Variants in CASD1 observed in about 807,000 individuals in gnomAD.
CASD1 encodes CAS1 domain sialic acid O acetyltransferase 1.
In CASD1, 41 loss-of-function variants were observed where a neutral mutation model predicts 100.0. The observed-to-expected ratio is 0.41, with a 90% CI of 0.32 to 0.53. The LOEUF (loss-of-function observed/expected upper bound fraction) is 0.53. Among genes scored for constraint, CASD1 ranks in the 20% least tolerant of loss-of-function variants. The pLI is 0.25. For synonymous variants in CASD1, 321 were observed against 315.6 expected, an observed-to-expected ratio of 1.02 and a Z score of -0.18; for missense variants, 774 against 948.7, an observed-to-expected ratio of 0.82 and a Z score of 2.42.
At chr7:94,615,345 C>G in the CASD1 span, among the ~76,000 whole-genome samples, 1 of 150,366 alleles carries the variant, frequency 6.7e-6, no homozygotes, top group Non-Finnish European at 1.5e-5. Context: ...GGTGACAGAG[C>G]AAGACTCTGT....
rs536624355 is a variant in CASD1, at chr7:94,511,568, T to C, written c.133+1351T>C. On this transcript the variant is annotated intron_variant, in intron 1 of 17. Coordinates refer to ENST00000297273, the MANE Select transcript of CASD1 (RefSeq NM_022900.5). ...CAAGGCCTTGGTTTATCTACAATCA[T>C]GTAAAACTAGCAATGTTGATGCATT... 2.6e-5 allele frequency among the ~76,000 whole-genome samples: 4 copies of C among 152,336 alleles called. No homozygotes were observed. The South Asian group carries it at 8.3e-4, about 32-fold the overall frequency.
At chr7:94,552,654 C>T (rs1796005695) in intron 16 of CASD1, among the ~76,000 whole-genome samples, 1 of 151,938 alleles carries the variant, frequency 6.6e-6, no homozygotes. Flanking sequence ...CTTAATCTGC[C>T]CTTAGAAAAT....
chr7:94,571,887 G>A, the CASD1 span, among the ~76,000 whole-genome samples: 2 of 151,060 alleles, frequency 1.3e-5, no homozygotes, highest in African/African-American at 4.9e-5. Context: ...AAAAAAAATG[G>A]TCAGAAGATG....
intron 8 of CASD1, among the ~76,000 whole-genome samples, chr7:94,535,898 T>C (rs999985086): frequency 6.6e-6 from 1 of 152,196 alleles, no homozygotes; most frequent in Non-Finnish European, 1.5e-5. Context: ...AAGATTAAGC[T>C]TCAATGAAGA....
At chr7:94,631,145 T>C in the CASD1 span, among the ~76,000 whole-genome samples, 1 of 143,898 alleles carries the variant, frequency 6.9e-6, no homozygotes, top group Non-Finnish European at 1.5e-5. Context: ...TCCTGATTTG[T>C]TTTGTACTAG....
chr7:94,550,341 C>G (rs1314856879), intron 14 of CASD1, among the ~76,000 whole-genome samples: 1 of 152,014 alleles, frequency 6.6e-6, no homozygotes, highest in African/African-American at 2.4e-5. Flanking sequence ...TTTCCAACCC[C>G]TATGCATTTT....
chr7:94,509,955 AGGCGCAGGTGGCGGCCTGGGGAGCT>A lies in CASD1; in HGVS notation c.-125_-101del. 4 of 1,201,170 alleles carry A rather than the reference AGGCGCAGGTGGCGGCCTGGGGAGCT, an allele frequency of 3.3e-6. No individual in the cohort carries two copies. Among genetic ancestry groups the A allele is most frequent in the Non-Finnish European group, 4.2e-6 (4 of 960,988 alleles). The allele number at this position is 1,201,170 out of a possible 1,614,324, so 74.4% of individuals were successfully genotyped here. A position where few individuals can be genotyped will look rare whatever the true frequency, so the allele number is the denominator to read the frequency against. On this transcript the variant is annotated 5_prime_UTR_variant, in exon 1 of 18. Coordinates refer to ENST00000297273, the MANE Select transcript of CASD1 (RefSeq NM_022900.5). ...CCGCGGGGTCAGGTTCCCCGGCGGG[AGGCGCAGGTGGCGGCCTGGGGAGCT>A]GGCGGCCGCTCCTCGCCTGGCTGCA...
chr7:94,589,927 T>G, the CASD1 span: 1 of 152,494 alleles, frequency 6.6e-6, no homozygotes, highest in African/African-American at 2.4e-5. Flanking sequence ...ACTCCTGGTC[T>G]GACATGAAAC....
chr7:94,555,804 G>C lies in CASD1; in HGVS notation c.*46G>C. ...CCTAAACTCTTCAGGCTACCTTTGT[G>C]TGTCTCTAGAAGAGAAAAGCATCTA... On this transcript the variant is annotated 3_prime_UTR_variant, in exon 18 of 18. Coordinates refer to ENST00000297273, the MANE Select transcript of CASD1 (RefSeq NM_022900.5). 1 of 1,559,062 alleles carries C rather than the reference G, an allele frequency of 6.4e-7. No homozygotes were observed.
chr7:94,598,607 G>A, the CASD1 span: 6 of 651,614 alleles, frequency 9.2e-6, no homozygotes, highest in Non-Finnish European at 1.6e-5. Flanking sequence ...AAAAGTAATT[G>A]TATTGTATAT....
the CASD1 span, among the ~76,000 whole-genome samples, chr7:94,568,269 G>A: frequency 9.9e-5 from 15 of 152,162 alleles, no homozygotes; most frequent in Admixed American, 5.9e-4. Flanking sequence ...AGCAACTCAA[G>A]TCAGTTACAA....
chr7:94,558,957 A>G (rs1584445678), downstream of CASD1, among the ~76,000 whole-genome samples: 1 of 151,748 alleles, frequency 6.6e-6, no homozygotes, highest in Non-Finnish European at 1.5e-5. Context: ...CTGCCACCAT[A>G]CCTGGCTAAT....
At chr7:94,515,717 A>G (rs1793946298) in intron 1 of CASD1, among the ~76,000 whole-genome samples, 1 of 152,086 alleles carries the variant, frequency 6.6e-6, no homozygotes, top group East Asian at 1.9e-4. Context: ...GCAAATAACA[A>G]CACCCCCCTC....
downstream of CASD1, among the ~76,000 whole-genome samples, chr7:94,558,595 C>G (rs964669326): frequency 6.6e-6 from 1 of 152,112 alleles, no homozygotes; most frequent in African/African-American, 2.4e-5. Flanking sequence ...TGATTGCATA[C>G]ATTTATGACT....
Position 94,510,051 on chromosome 7 carries a change from C to T in CASD1, c.-34C>T, listed in dbSNP as rs1191697621. 1 of 1,476,634 alleles carries T rather than the reference C, an allele frequency of 6.8e-7. No individual in the cohort carries two copies. Among genetic ancestry groups the T allele is most frequent in the South Asian group, 1.3e-5 (1 of 76,486 alleles). The allele number at this position is 1,476,634 out of a possible 1,614,324, so 91.5% of individuals were successfully genotyped here. On this transcript the variant is annotated 5_prime_UTR_variant, in exon 1 of 18. Coordinates refer to ENST00000297273, the MANE Select transcript of CASD1 (RefSeq NM_022900.5). The stretch of plus-strand genomic sequence containing the variant: ...GCCCCTGTGCGGCGCCCCTTTCCCG[C>T]TCCGCCGCGCACTGTTGTCATGGAG...
chr7:94,598,840 T>A, the CASD1 span: 1 of 1,613,272 alleles, frequency 6.2e-7, no homozygotes, highest in Non-Finnish European at 8.5e-7. Context: ...GAGGTATGAT[T>A]TCCCCAGTCA....
At chr7:94,622,354 G>A in the CASD1 span, 1 of 152,230 alleles carries the variant, frequency 6.6e-6, no homozygotes, top group South Asian at 2.1e-4. Context: ...CAGGCCAGGT[G>A]TGGTGGTTCG....
chr7:94,547,868 T>G lies in CASD1; in HGVS notation c.1713+693T>G, dbSNP rs190425716. Among the ~76,000 whole-genome samples the G allele has an allele frequency of 3.2e-4, 49 of 152,062 alleles. No individual in the cohort carries two copies. In the East Asian group the frequency reaches 8.1e-3, roughly 25 times the overall value. The stretch of plus-strand genomic sequence containing the variant: ...CTCACATCTTCAACACACTGTTTTG[T>G]ACCTGGCTGTATCAGGTGGAAGGAA... On this transcript the variant is annotated intron_variant, in intron 13 of 17. Transcript: ENST00000297273.
chr7:94,534,464 G>A (rs1795019651), intron 7 of CASD1, among the ~76,000 whole-genome samples: 1 of 151,822 alleles, frequency 6.6e-6, no homozygotes, highest in South Asian at 2.1e-4. Flanking sequence ...TTTTTAGCAA[G>A]CAATGGGTTT....
Sources: gnomAD v4.1 joint callset for allele counts (sites outside exome capture counted in the v4.1 genomes callset) on GRCh38, gnomAD v4.1.1 for gene constraint, MANE v1.5 for transcripts, NCBI Gene and HGNC (gene_info 2026-07-23, HGNC 2026-07-21) for gene names.